Variants in NTM observed in about 807,000 individuals in gnomAD.
NTM encodes IgLON family member 2.
In NTM, 13 loss-of-function variants were observed where a neutral mutation model predicts 42.1. The observed-to-expected ratio is 0.31, with a 90% CI of 0.20 to 0.49. The LOEUF is 0.49. Ranked by LOEUF, NTM falls within the 20% of genes least tolerant of loss-of-function variation. The pLI is 0.99. For synonymous variants in NTM, 187 were observed against 179.2 expected (o/e 1.04, Z -0.35); for missense variants, 373 against 452.8 (o/e 0.82, Z 1.60).
At chr11:132,034,207 ACT>A (rs1008538270) in intron 2 of NTM, among the ~76,000 whole-genome samples, 11 of 152,158 alleles carry the variant, frequency 7.2e-5, no homozygotes, top group Admixed American at 6.5e-4. Flanking sequence ...GGGAATTCTA[ACT>A]CTCTCTTGTT....
intron 1 of NTM, among the ~76,000 whole-genome samples, chr11:131,890,193 T>TCA (rs35308058): frequency 0.17 from 25,124 of 150,212 alleles, 2,398 homozygotes; most frequent in Non-Finnish European, 0.22. Flanking sequence ...TCTCTCTCTC[T>TCA]CACACACACA....
chr11:132,310,989 T>C (rs1226265793), intron 6 of NTM, among the ~76,000 whole-genome samples: 1 of 152,052 alleles, frequency 6.6e-6, no homozygotes, highest in Non-Finnish European at 1.5e-5. Context: ...AACATTTTCA[T>C]TGAAAAAGAG....
At chr11:131,823,909 G>T (rs571427399) in intron 1 of NTM, among the ~76,000 whole-genome samples, 2 of 152,188 alleles carry the variant, frequency 1.3e-5, no homozygotes, top group African/African-American at 2.4e-5. Context: ...ACATGAAAGC[G>T]CATGGAATAG....
At chr11:131,652,389 A>G (rs2066610699) in intron 1 of NTM, among the ~76,000 whole-genome samples, 1 of 152,184 alleles carries the variant, frequency 6.6e-6, no homozygotes, top group Admixed American at 6.5e-5. Flanking sequence ...GTGGCCACAA[A>G]CCAGAACAAA....
At chr11:131,767,188 C>G (rs981241470) in intron 1 of NTM, 1 of 831,600 alleles carries the variant, frequency 1.2e-6, no homozygotes, top group African/African-American at 1.8e-5. Flanking sequence ...ATTACTTAAC[C>G]AAATATGGTT....
chr11:132,089,034 A>G (rs1347074057), intron 2 of NTM, among the ~76,000 whole-genome samples: 2 of 152,196 alleles, frequency 1.3e-5, no homozygotes, highest in Admixed American at 6.5e-5. Flanking sequence ...GATGAGAGGA[A>G]TGAGCAGGAG....
intron 7 of NTM, chr11:132,315,146 C>G (rs1316450154): frequency 1.1e-6 from 1 of 881,112 alleles, no homozygotes; most frequent in Non-Finnish European, 1.4e-6. Flanking sequence ...GTAAAATAGT[C>G]AAGAACTCAG....
intron 1 of NTM, chr11:131,539,676 G>C (rs1327008149): frequency 6.6e-6 from 1 of 152,450 alleles, no homozygotes; most frequent in Non-Finnish European, 1.5e-5. Flanking sequence ...CAAAGAAAAG[G>C]AAAGCAAAGG....
intron 1 of NTM, among the ~76,000 whole-genome samples, chr11:131,598,735 C>G (rs1277036774): frequency 2.2e-5 from 2 of 91,446 alleles, no homozygotes; most frequent in African/African-American, 7.7e-5. Context: ...TTCTTTCTTT[C>G]TTTCTTTCTT....
intron 2 of NTM, among the ~76,000 whole-genome samples, chr11:132,011,854 T>G (rs1369219812): frequency 1.3e-5 from 2 of 152,216 alleles, no homozygotes; most frequent in Non-Finnish European, 2.9e-5. Context: ...GTAATACCTT[T>G]TCCCTATTCT....
chr11:132,215,121 T>G (rs2083561405), intron 4 of NTM, among the ~76,000 whole-genome samples: 1 of 152,218 alleles, frequency 6.6e-6, no homozygotes, highest in Admixed American at 6.5e-5. Flanking sequence ...ATGGGCTTGG[T>G]GTTCCTTGGA....
intron 2 of NTM, among the ~76,000 whole-genome samples, chr11:131,989,239 C>A (rs1197969884): frequency 1.3e-5 from 2 of 152,130 alleles, no homozygotes; most frequent in African/African-American, 4.8e-5. Flanking sequence ...CAAAAACATA[C>A]TAATTAACAA....
chr11:131,781,175 A>G (rs938266262), intron 1 of NTM, among the ~76,000 whole-genome samples: 1 of 152,140 alleles, frequency 6.6e-6, no homozygotes, highest in African/African-American at 2.4e-5. Flanking sequence ...CATAAATGCA[A>G]GAAAGGAGTA....
intron 1 of NTM, among the ~76,000 whole-genome samples, chr11:131,451,589 T>C (rs1950494353): frequency 6.6e-6 from 1 of 152,174 alleles, no homozygotes; most frequent in South Asian, 2.1e-4. Context: ...GAAATGGGCA[T>C]GGTCATCTGG....
chr11:131,407,703 TG>T (rs1391853781), intron 1 of NTM, among the ~76,000 whole-genome samples: 11 of 152,290 alleles, frequency 7.2e-5, no homozygotes, highest in South Asian at 6.2e-4. Flanking sequence ...GAAGGAGTCA[TG>T]GGTCAGAAAG....
At chr11:131,378,724 T>C (rs753289836) in intron 1 of NTM, among the ~76,000 whole-genome samples, 15 of 152,150 alleles carry the variant, frequency 9.9e-5, no homozygotes, top group Admixed American at 2.6e-4. Context: ...TTGAGCTGGA[T>C]TGGAGAGTGC....
intron 3 of NTM, among the ~76,000 whole-genome samples, chr11:132,209,230 T>G (rs980895360): frequency 3.9e-5 from 6 of 152,362 alleles, no homozygotes; most frequent in African/African-American, 1.4e-4. Context: ...TACCTTTCTG[T>G]CCTGGAAGGC....
At chr11:131,948,135 G>A (rs1441257912) in intron 2 of NTM, among the ~76,000 whole-genome samples, 1 of 152,056 alleles carries the variant, frequency 6.6e-6, no homozygotes, top group Non-Finnish European at 1.5e-5. Flanking sequence ...GCCGAGGTGG[G>A]CTGATCACGA....
chr11:131,753,636 C>A (rs9666869), intron 1 of NTM, among the ~76,000 whole-genome samples: 4 of 146,038 alleles, frequency 2.7e-5, no homozygotes, highest in Non-Finnish European at 4.4e-5. Context: ...GTAAACTATC[C>A]CAAGAACAAA....
Sources: gnomAD v4.1 joint callset for allele counts (sites outside exome capture counted in the v4.1 genomes callset) on GRCh38, gnomAD v4.1.1 for gene constraint, MANE v1.5 for transcripts, NCBI Gene and HGNC (gene_info 2026-07-23, HGNC 2026-07-21) for gene names.